Variants in USP22 observed in about 807,000 individuals in gnomAD.
The protein encoded by USP22 is ubiquitin specific peptidase 22.
USP22 carries 22 observed loss-of-function variants against 68.1 expected under a neutral mutation model. That is an observed-to-expected ratio of 0.32 (90% CI 0.23 to 0.46). The LOEUF (loss-of-function observed/expected upper bound fraction) is 0.46. Among genes scored for constraint, USP22 ranks in the 20% least tolerant of loss-of-function variants. USP22 has a pLI of 1.00. For synonymous variants in USP22, 279 were observed against 274.2 expected, an observed-to-expected ratio of 1.02 and a Z score of -0.17; for missense variants, 433 against 695.8, an observed-to-expected ratio of 0.62 and a Z score of 4.25.
At chr17:21,014,908 G>C (rs543968221) in intron 6 of USP22, among the ~76,000 whole-genome samples, 2 of 152,174 alleles carry the variant, frequency 1.3e-5, no homozygotes, top group Non-Finnish European at 2.9e-5. Flanking sequence ...CATCAGCTGG[G>C]AACTGATTAA....
Position 20,999,858 on chromosome 17 carries a change from T to C in USP22, c.*3173A>G, listed in dbSNP as rs537869251. The C allele has an allele frequency of 2.6e-5, 4 of 152,272 alleles. No individual in the cohort carries two copies. Among genetic ancestry groups the C allele is most frequent in the South Asian group, 2.1e-4 (1 of 4,824 alleles). The allele number at this position is 152,272 out of a possible 1,614,324, so 9.4% of individuals were successfully genotyped here. ...GCATACACACCAAGCCAAAATACAATAGCACTCAGGTCTATATGTTGCAGT... is the reference window on the plus strand; with the variant it reads ...GCATACACACCAAGCCAAAATACAACAGCACTCAGGTCTATATGTTGCAGT... On this transcript the variant is annotated 3_prime_UTR_variant, in exon 13 of 13. Transcript: ENST00000261497.
chr17:21,039,601 T>C (rs148909108), intron 1 of USP22, among the ~76,000 whole-genome samples: 45 of 152,218 alleles, frequency 3.0e-4, no homozygotes, highest in South Asian at 1.7e-3. Flanking sequence ...AAGCTTCTTT[T>C]GGACAGAAAT....
chr17:21,013,647 A>G (rs1265812191), intron 6 of USP22, among the ~76,000 whole-genome samples: 4 of 152,234 alleles, frequency 2.6e-5, no homozygotes, highest in African/African-American at 9.6e-5. Context: ...TGACAGAGGA[A>G]TAGAGAAGGG....
At chr17:21,020,587 TAA>T (rs1484274312) in intron 3 of USP22, among the ~76,000 whole-genome samples, 1 of 152,190 alleles carries the variant, frequency 6.6e-6, no homozygotes, top group Admixed American at 6.5e-5. Flanking sequence ...TCCAGAGTTT[TAA>T]AAGAGATTCT....
At position 21,042,821 on chromosome 17, in the gene USP22, T is replaced by G. The variant is rs757638567; in HGVS notation, c.15A>C (p.Pro5=). The change falls in exon 1 of 13, where the codon CCA becomes CCC. Residue 5 remains proline, a synonymous_variant. Transcript: ENST00000261497. The part of the protein sequence containing the change: MVSR[P]EPEGEAMDAE... ...CGTCCATGGCCTCGCCCTCGGGCTC[T>G]GGCCGGGACACCATGGGGGGCAAGG... 2.9e-6 allele frequency: 4 copies of G among 1,403,482 alleles called. No individual in the cohort carries two copies. The African/African-American group carries it at 5.9e-5, about 21-fold the overall frequency. The allele number at this position is 1,403,482 out of a possible 1,614,324, so 86.9% of individuals were successfully genotyped here. A position where few individuals can be genotyped will look rare whatever the true frequency, so the allele number is the denominator to read the frequency against.
chr17:21,008,317 T>C (rs1013181745), intron 8 of USP22, among the ~76,000 whole-genome samples: 4 of 152,128 alleles, frequency 2.6e-5, no homozygotes, highest in African/African-American at 9.7e-5. Flanking sequence ...TGTCCACAAA[T>C]GTGCACCAGA....
intron 1 of USP22, among the ~76,000 whole-genome samples, chr17:21,032,351 CA>C (rs1349612751): frequency 6.7e-6 from 1 of 149,616 alleles, no homozygotes; most frequent in Admixed American, 6.6e-5. Flanking sequence ...TATTTTTCCC[CA>C]ATCTACACTG....
intron 9 of USP22, 147 bp from the exon 10 acceptor site, chr17:21,007,134 GATTCAAAAAC>G: frequency 1.4e-6 from 1 of 694,084 alleles, no homozygotes; most frequent in African/African-American, 1.8e-5. Context: ...TAGAATTACA[GATTCAAAAAC>G]ACAGTGGCAA....
At chr17:21,018,367 T>C in intron 4 of USP22, 1 of 354,512 alleles carries the variant, frequency 2.8e-6, no homozygotes, top group Non-Finnish European at 5.1e-6. Context: ...ATATAGTTTC[T>C]ACGACAACAG....
At position 21,001,081 on chromosome 17, in the gene USP22, A is replaced by G. The variant is rs1913561605; in HGVS notation, c.*1950T>C. On this transcript the variant is annotated 3_prime_UTR_variant, in exon 13 of 13. Coordinates refer to ENST00000261497, the MANE Select transcript of USP22 (RefSeq NM_015276.2). ...AAAAGACTGCACATCCTCAAAGGAG[A>G]TCTTCAAAGCACTGTCACCCAAACA... 1 of 151,226 alleles carries G rather than the reference A, an allele frequency of 6.6e-6. No homozygotes were observed. Among genetic ancestry groups the G allele is most frequent in the Admixed American group, 6.6e-5 (1 of 15,166 alleles). The allele number at this position is 151,226 out of a possible 1,614,324, so 9.4% of individuals were successfully genotyped here.
intron 1 of USP22, chr17:21,042,345 A>AGGGCGGAGAGAAAGGAGGGGGAGG (rs1972446300): frequency 8.0e-6 from 1 of 125,034 alleles, no homozygotes; most frequent in Non-Finnish European, 1.5e-5. Context: ...AGGGAGGGGG[A>AGGGCGGAGAGAAAGGAGGGGGAGG]GGGCGGAGAG....
rs1913544541 is a variant in USP22, at chr17:21,000,823, G to A, written c.*2208C>T. On this transcript the variant is annotated 3_prime_UTR_variant, in exon 13 of 13. Transcript: ENST00000261497. The stretch of plus-strand genomic sequence containing the variant: ...CACGCCTATAATCCCAGCACTTTGG[G>A]ACGCTGAGGTGGGTGGATCGCCTGA... 1 of 152,360 alleles carries A rather than the reference G, an allele frequency of 6.6e-6. No individual in the cohort carries two copies. The highest frequency in any genetic ancestry group is 2.4e-5 in the African/African-American group (1 of 41,580). The allele number at this position is 152,360 out of a possible 1,614,324, so 9.4% of individuals were successfully genotyped here.
chr17:21,030,448 T>G (rs114623921), intron 1 of USP22, among the ~76,000 whole-genome samples: 3 of 152,146 alleles, frequency 2.0e-5, no homozygotes, highest in African/African-American at 4.8e-5. Context: ...GCAATAGATA[T>G]ATACAGTTTC....
In USP22 at chr17:21,042,582, G is replaced by A. The variant is rs560092065; in HGVS notation, c.171+83C>T. 3.9e-4 allele frequency: 481 copies of A among 1,229,382 alleles called. 2 individuals are homozygous for A. In the African/African-American group the frequency reaches 6.7e-3, roughly 17 times the overall value. The allele number at this position is 1,229,382 out of a possible 1,614,324, so 76.2% of individuals were successfully genotyped here. On this transcript the variant is annotated intron_variant, in intron 1 of 12. Transcript: ENST00000261497. Reference sequence around the variant, plus strand: ...AAAGGCAACGGGGGAAGGGAAGAGGGCAGGAAAAGGGCCCCTCCGCCGGCC... The same window carrying A: ...AAAGGCAACGGGGGAAGGGAAGAGGACAGGAAAAGGGCCCCTCCGCCGGCC...
intron 1 of USP22, among the ~76,000 whole-genome samples, chr17:21,031,040 A>C (rs1972284195): frequency 1.3e-5 from 2 of 152,258 alleles, no homozygotes. Context: ...GTTAGCAAGA[A>C]GCTAACAATT....
chr17:21,039,153 G>A (rs571890512), intron 1 of USP22, among the ~76,000 whole-genome samples: 2 of 151,762 alleles, frequency 1.3e-5, no homozygotes, highest in African/African-American at 2.4e-5. Context: ...TGGTTTCACC[G>A]TGTTAGCCAG....
chr17:21,042,932 G>A lies in USP22; in HGVS notation c.-97C>T, dbSNP rs1426055833. On this transcript the variant is annotated 5_prime_UTR_variant, in exon 1 of 13. Transcript: ENST00000261497. Reference sequence around the variant, plus strand: ...GGCTGCTCGGCGGCTGGCCAGGCTGGCCAAGGCCCGGGCGCCGAGAACAAA... The same window carrying A: ...GGCTGCTCGGCGGCTGGCCAGGCTGACCAAGGCCCGGGCGCCGAGAACAAA... The A allele has an allele frequency of 3.7e-6, 3 of 821,716 alleles. No individual in the cohort carries two copies. Among genetic ancestry groups the A allele is most frequent in the Non-Finnish European group, 4.8e-6 (3 of 625,344 alleles). 50.9% of individuals were successfully genotyped at this position (821,716 alleles called of 1,614,324 possible). A position where few individuals can be genotyped will look rare whatever the true frequency, so the allele number is the denominator to read the frequency against.
At chr17:21,013,003 G>A in intron 6 of USP22, 68 bp from the exon 7 acceptor site, 1 of 1,504,968 alleles carries the variant, frequency 6.6e-7, no homozygotes, top group Non-Finnish European at 9.2e-7. Context: ...GGGAAGAGCA[G>A]TTCACCCTGC....
intron 2 of USP22, among the ~76,000 whole-genome samples, chr17:21,025,600 G>A (rs1323276724): frequency 2.6e-5 from 4 of 152,162 alleles, no homozygotes; most frequent in African/African-American, 4.8e-5. Context: ...CAACCCACAC[G>A]TCCATCAGCA....
Sources: gnomAD v4.1 joint callset for allele counts (sites outside exome capture counted in the v4.1 genomes callset) on GRCh38, gnomAD v4.1.1 for gene constraint, MANE v1.5 for transcripts, NCBI Gene and HGNC (gene_info 2026-07-23, HGNC 2026-07-21) for gene names.